The following TH variants were observed in gnomAD, a reference collection of about 807,000 sequenced individuals.
The protein encoded by TH is tyrosine hydroxylase, also known as tyrosine 3-monooxygenase.
TH carries 49 observed loss-of-function variants against 57.4 expected under a neutral mutation model. The ratio of observed to expected loss-of-function variants is 0.85; its 90% CI spans 0.68 to 1.08. The LOEUF is 1.08. Ranked by LOEUF, TH falls within the 50% of genes least tolerant of loss-of-function variation. The pLI is 0.00. For missense variants in TH, 720 were observed against 696.7 expected (o/e 1.03, Z -0.38); for synonymous variants, 330 against 304.5 (o/e 1.08, Z -0.87).
In TH at chr11:2,169,745, A is replaced by T; in HGVS notation, c.217T>A (p.Phe73Ile). 1.9e-6 allele frequency: 3 copies of T among 1,612,704 alleles called. No individual in the cohort carries two copies. The Admixed American group carries it at 5.0e-5, about 27-fold the overall frequency. The stretch of plus-strand genomic sequence containing the variant: ...ACGGCCTTCCCCTCCTTCTCCTCAA[A>T]GGCCACAGCCTCCAGGGGGTCCCCG... Reference protein sequence around the residue: ...EPGDPLEAVAFEEKEGKAVLN... With the variant: ...EPGDPLEAVAIEEKEGKAVLN... The change falls in exon 2 of 13, where the codon TTT becomes ATT. Residue 73 changes from phenylalanine to isoleucine, a missense_variant. Physicochemically the swap from Phe to Ile is conservative, Grantham distance 21. Coordinates refer to ENST00000352909, the MANE Select transcript of TH (RefSeq NM_000360.4).
chr11:2,171,735 C>G lies in TH; in HGVS notation c.52G>C (p.Val18Leu). 6.2e-7 allele frequency: 1 copy of G among 1,612,830 alleles called. No individual in the cohort carries two copies. Among genetic ancestry groups the G allele is most frequent in the South Asian group, 1.1e-5 (1 of 91,058 alleles). The change falls in exon 1 of 13, where the codon GTG becomes CTG. Residue 18 changes from valine to leucine, a missense_variant. Transcript: ENST00000352909. This position sits in a 1 kb window ranked among gnomAD's most constrained non-coding sequence, Gnocchi z 8.6. ...GCCTGCTTGGCGTCCAGCTCAGACA[C>G]GGCCCTGCGGAAGCCCTTGGCCTGT... The part of the protein sequence containing the change: ...TPQAKGFRRA[V>L]SELDAKQAEA...
intron 4 of TH, 72 bp downstream of exon 4, chr11:2,168,012 AGACTCCT>A (rs770300071): frequency 1.0e-4 from 165 of 1,609,684 alleles, no homozygotes; most frequent in Non-Finnish European, 1.4e-4. Flanking sequence ...TGGAGCCGAC[AGACTCCT>A]GTCCAGGGTT....
chr11:2,170,740 G>A lies in TH; in HGVS notation c.91-869C>T. On this transcript the variant is annotated intron_variant, in intron 1 of 12. Coordinates refer to ENST00000352909, the MANE Select transcript of TH (RefSeq NM_000360.4). The surrounding 1 kb of genome is among the most constrained non-coding windows in gnomAD (Gnocchi z 6.0). ...GCTGGGGCTGCAGTTCCAGGCCACG[G>A]AGAGCCTGTGAGGCTGGGCCCCGGG... 2 of 1,598,736 alleles carry A rather than the reference G, an allele frequency of 1.3e-6. No individual in the cohort carries two copies. Among genetic ancestry groups the A allele is most frequent in the Non-Finnish European group, 1.7e-6 (2 of 1,176,114 alleles).
rs779552857 is a variant in TH at position 2,165,959 on chromosome 11, C to T, written c.1104+43G>A. 9 of 1,549,764 alleles carry T rather than the reference C, an allele frequency of 5.8e-6. No homozygotes were observed. In the South Asian group the frequency reaches 9.5e-5, roughly 16 times the overall value. ...AGAGGGTGAGGCCTGGATTCAGACC[C>T]CCAAACCCACACCCCAGGCCCTGCA... is the stretch of plus-strand genomic sequence containing the variant. On this transcript the variant is annotated intron_variant, in intron 10 of 12. Coordinates refer to ENST00000352909, the MANE Select transcript of TH (RefSeq NM_000360.4).
chr11:2,169,216 G>A (rs1846187421), intron 2 of TH, among the ~76,000 whole-genome samples: 2 of 152,126 alleles, frequency 1.3e-5, no homozygotes, highest in South Asian at 2.1e-4. Context: ...AGCTTCTTCC[G>A]GGAGCTGGGT....
At chr11:2,164,734 G>C (rs1385568910) in intron 12 of TH, among the ~76,000 whole-genome samples, 1 of 152,146 alleles carries the variant, frequency 6.6e-6, no homozygotes, top group African/African-American at 2.4e-5. Flanking sequence ...ATAGCCCCTG[G>C]CCTCAGTTTC....
At chr11:2,167,112 G>A (rs1846120617) in intron 6 of TH, 80 bp from the exon 7 acceptor site, 2 of 1,527,786 alleles carry the variant, frequency 1.3e-6, no homozygotes, top group Admixed American at 4.0e-5. Flanking sequence ...GGGTGCCTCT[G>A]CCTGCCTGAG....
intron 3 of TH, 51 bp downstream of exon 3, chr11:2,168,440 C>G (rs2133697081): frequency 6.2e-7 from 1 of 1,608,178 alleles, no homozygotes; most frequent in East Asian, 2.2e-5. Context: ...CCCCTGCACC[C>G]CAGCCTCTCA....
At chr11:2,168,466 C>A (rs1414717378) in intron 3 of TH, 25 bp downstream of exon 3, 1 of 1,611,582 alleles carries the variant, frequency 6.2e-7, no homozygotes, top group Non-Finnish European at 8.5e-7. Flanking sequence ...ATTTGGTGGC[C>A]CTCAAGGACA....
intron 2 of TH, 120 bp from the exon 3 acceptor site, chr11:2,168,785 T>G: frequency 3.3e-6 from 4 of 1,224,016 alleles, no homozygotes; most frequent in Non-Finnish European, 2.3e-6. Context: ...CCCTTGACTT[T>G]TGTGCTAGCA....
At chr11:2,168,439 C>T (rs1200713458) in intron 3 of TH, 52 bp downstream of exon 3, 3 of 1,607,768 alleles carry the variant, frequency 1.9e-6, no homozygotes, top group South Asian at 1.1e-5. Flanking sequence ...GCCCCTGCAC[C>T]CCAGCCTCTC....
chr11:2,168,997 C>A (rs1008477379), intron 2 of TH, among the ~76,000 whole-genome samples: 1 of 152,174 alleles, frequency 6.6e-6, no homozygotes, highest in Non-Finnish European at 1.5e-5. Flanking sequence ...TCAGAAGGTG[C>A]CCCCAACCCT....
intron 5 of TH, 182 bp downstream of exon 5, chr11:2,167,684 C>G: frequency 1.8e-6 from 2 of 1,093,058 alleles, no homozygotes; most frequent in South Asian, 2.9e-5. Context: ...TCTAGCCCCC[C>G]TGGGCCTCAG....
chr11:2,171,648 C>A lies in TH; in HGVS notation c.90+49G>T. On this transcript the variant is annotated intron_variant, in intron 1 of 12. Transcript: ENST00000352909. This position sits in a 1 kb window ranked among gnomAD's most constrained non-coding sequence, Gnocchi z 8.6. ...AGTAGCAGAGGCAGCTGGCACCAGC[C>A]CTGGGCTCCGGTCCACTGCGGCCGC... 6.3e-7 allele frequency: 1 copy of A among 1,596,622 alleles called. No homozygotes were observed. The highest frequency in any genetic ancestry group is 8.5e-7 in the Non-Finnish European group (1 of 1,172,342).
chr11:2,165,179 G>T, intron 12 of TH, 53 bp downstream of exon 12: 1 of 1,611,968 alleles, frequency 6.2e-7, no homozygotes, highest in Non-Finnish European at 8.5e-7. Context: ...GGAAGGCCTG[G>T]CTGGCCCAGT....
intron 3 of TH, 124 bp from the exon 4 acceptor site, chr11:2,168,303 G>C: frequency 7.4e-7 from 1 of 1,360,010 alleles, no homozygotes; most frequent in African/African-American, 1.4e-5. Context: ...TGTGAGAGCT[G>C]CGGGGGGATC....
chr11:2,166,134 A>G (rs1846083316), intron 9 of TH, 76 bp from the exon 10 acceptor site: 3 of 1,476,844 alleles, frequency 2.0e-6, no homozygotes, highest in East Asian at 2.5e-5. Flanking sequence ...CGGGGGTGTC[A>G]GCAGCCCCTC....
In TH at chr11:2,170,862, G is replaced by T; in HGVS notation, c.90+835C>A. The stretch of plus-strand genomic sequence containing the variant: ...GAGGGCGCCCTGTGTCCCTGAGAAG[G>T]TACCTGGAAATGACACTGCTACAAC... On this transcript the variant is annotated intron_variant, in intron 1 of 12. Coordinates refer to ENST00000352909, the MANE Select transcript of TH (RefSeq NM_000360.4). This position sits in a 1 kb window ranked among gnomAD's most constrained non-coding sequence, Gnocchi z 6.0. 1.5e-6 allele frequency: 1 copy of T among 654,510 alleles called. No individual in the cohort carries two copies. Among genetic ancestry groups the T allele is most frequent in the South Asian group, 1.8e-5 (1 of 54,190 alleles). 40.5% of individuals were successfully genotyped at this position (654,510 alleles called of 1,614,324 possible).
At position 2,167,468 on chromosome 11, in the gene TH, C is replaced by T. The variant is rs150559011; in HGVS notation, c.662G>A (p.Arg221His). 2.6e-5 allele frequency: 41 copies of T among 1,562,756 alleles called. No homozygotes were observed. The highest frequency in any genetic ancestry group is 3.3e-4 in the Middle Eastern group (2 of 6,020). ...FQYRHGDPIP[R>H]VEYTAEEIAT... ...AATCTCCTCGGCGGTGTACTCCACACGGGGAATCGGGTCGCCGCTGGGGAG... is the reference window on the plus strand; with the variant it reads ...AATCTCCTCGGCGGTGTACTCCACATGGGGAATCGGGTCGCCGCTGGGGAG... Residue 221 changes from arginine (R) to histidine (H), a missense_variant, in exon 6 of 13, where the codon CGT becomes CAT. Physicochemically the swap from Arg to His is conservative, Grantham distance 29. Coordinates refer to ENST00000352909, the MANE Select transcript of TH (RefSeq NM_000360.4).
Sources: gnomAD v4.1 joint callset for allele counts (sites outside exome capture counted in the v4.1 genomes callset) on GRCh38, gnomAD v4.1.1 for gene constraint, Gnocchi (gnomAD v3.1) non-coding constraint, MANE v1.5 for transcripts, NCBI Gene and HGNC (gene_info 2026-07-23, HGNC 2026-07-21) for gene names.